CRYM: variants seen among roughly 807,000 people sequenced by gnomAD.
CRYM encodes crystallin mu, also known as ketimine reductase mu-crystallin.
A neutral mutation model predicts 32.9 loss-of-function variants in CRYM; 18 were observed. The ratio of observed to expected loss-of-function variants is 0.55; its 90% CI spans 0.38 to 0.81. The LOEUF is 0.81. Among genes scored for constraint, CRYM ranks in the 30% least tolerant of loss-of-function variants. The probability of loss-of-function intolerance (pLI) is 0.00; values close to 1 mark genes in which losing one functional copy is unlikely to be tolerated. For synonymous variants in CRYM, 153 were observed against 152.4 expected, an observed-to-expected ratio of 1.00 and a Z score of -0.03; for missense variants, 337 against 393.5, an observed-to-expected ratio of 0.86 and a Z score of 1.21.
intron 1 of CRYM, among the ~76,000 whole-genome samples, chr16:21,298,466 G>C (rs1389463619): frequency 6.6e-6 from 1 of 152,180 alleles, no homozygotes; most frequent in Non-Finnish European, 1.5e-5. Context: ...GGAAAATGAT[G>C]AATTATAATT....
At chr16:21,261,654 C>T (rs1316849204) in intron 6 of CRYM, 1 of 485,208 alleles carries the variant, frequency 2.1e-6, no homozygotes, top group Non-Finnish European at 3.7e-6. Context: ...ATGCCAGCAG[C>T]TCCCTTCTTG....
intron 4 of CRYM, 22 bp downstream of exon 4, chr16:21,269,768 C>A: frequency 4.4e-6 from 4 of 915,896 alleles, no homozygotes; most frequent in East Asian, 2.8e-5. Context: ...CTCTTCTCTC[C>A]CACCCCCACC....
chr16:21,288,507 G>T (rs2093411019), intron 1 of CRYM, among the ~76,000 whole-genome samples: 1 of 88,822 alleles, frequency 1.1e-5, no homozygotes, highest in South Asian at 3.0e-4. Flanking sequence ...ATAATTTGAG[G>T]CTTCTTTCTT....
chr16:21,292,056 C>T (rs1960670454), intron 1 of CRYM, among the ~76,000 whole-genome samples: 1 of 152,016 alleles, frequency 6.6e-6, no homozygotes, highest in Admixed American at 6.6e-5. Context: ...AGCATATGAA[C>T]ATAGAAACAC....
chr16:21,301,724 C>G (rs533818227), intron 1 of CRYM, among the ~76,000 whole-genome samples: 1 of 152,368 alleles, frequency 6.6e-6, no homozygotes, highest in South Asian at 2.1e-4. Flanking sequence ...TGCGCGCCCC[C>G]AGCCCTAGTG....
At chr16:21,267,807 A>G in intron 4 of CRYM, 70 bp from the exon 5 acceptor site, 1 of 1,508,942 alleles carries the variant, frequency 6.6e-7, no homozygotes, top group South Asian at 1.1e-5. Flanking sequence ...GAGCCCAGGG[A>G]TGCGGAGGGA....
chr16:21,277,495 G>A lies in CRYM; in HGVS notation c.260C>T (p.Ser87Leu). The change falls in exon 2 of 8, where the codon TCG becomes TTG. Residue 87 changes from serine to leucine, a missense_variant. Transcript: ENST00000572914. This position sits in a 1 kb window ranked among gnomAD's most constrained non-coding sequence, Gnocchi z 4.2. ...VTFYEDRGITSVVPSHQATVL... is the reference protein window; with the variant it reads ...VTFYEDRGITLVVPSHQATVL... ...AGTAGCCTGGTGGGAAGGGACGACC[G>A]AGGTGATGCCGCGGTCCTCGTAGAA... 6.2e-7 allele frequency: 1 copy of A among 1,613,904 alleles called. No individual in the cohort carries two copies.
intron 5 of CRYM, among the ~76,000 whole-genome samples, chr16:21,266,824 G>C (rs553817110): frequency 2.0e-5 from 3 of 152,054 alleles, no homozygotes; most frequent in Non-Finnish European, 4.4e-5. Context: ...GGCCAACATG[G>C]TGAAACCTTG....
upstream of CRYM, among the ~76,000 whole-genome samples, chr16:21,279,440 A>G (rs951851454): frequency 6.6e-6 from 1 of 152,230 alleles, no homozygotes; most frequent in Non-Finnish European, 1.5e-5. Context: ...GGCCAAGTAA[A>G]GCCCTGAGGT....
chr16:21,263,355 T>C (rs2093358058), intron 5 of CRYM, among the ~76,000 whole-genome samples: 1 of 152,034 alleles, frequency 6.6e-6, no homozygotes, highest in Non-Finnish European at 1.5e-5. Flanking sequence ...GAGCCAAGAC[T>C]GCGCCACTGT....
At position 21,261,270 on chromosome 16, in the gene CRYM, G is replaced by C. The variant is rs14122; in HGVS notation, c.864C>G (p.Thr288=). The change falls in exon 7 of 8, where the codon ACC becomes ACG. Residue 288 remains threonine (T), a synonymous_variant. Coordinates refer to ENST00000572914, the MANE Select transcript of CRYM (RefSeq NM_001376256.1). The stretch of plus-strand genomic sequence containing the variant: ...GGATCTTACCCAAAGACTTGAACAC[G>C]GTGGTCTTCTCACAGTGGGCTGGTT... ...GVKPAHCEKT[T]VFKSLGMAVE... is the part of the protein sequence containing the mutation. 0.44 allele frequency: 703,703 copies of C among 1,611,502 alleles called. 159,599 individuals carry two copies. The highest frequency in any genetic ancestry group is 0.78 in the African/African-American group (58,150 of 74,824).
At chr16:21,283,808 AC>A (rs2093402645) in intron 1 of CRYM, 1 of 151,048 alleles carries the variant, frequency 6.6e-6, no homozygotes, top group Non-Finnish European at 1.5e-5. Context: ...CCGGTTCCCC[AC>A]CTCCTGGTGT....
intron 1 of CRYM, among the ~76,000 whole-genome samples, chr16:21,291,860 T>TGGGG (rs1960664796): frequency 2.6e-5 from 4 of 152,166 alleles, no homozygotes; most frequent in Admixed American, 1.3e-4. Flanking sequence ...TGTCCCAGAC[T>TGGGG]ATGGCCTTTT....
At chr16:21,294,756 G>A (rs1286571607) in intron 1 of CRYM, among the ~76,000 whole-genome samples, 11 of 148,250 alleles carry the variant, frequency 7.4e-5, no homozygotes, top group African/African-American at 1.5e-4. Context: ...GTACAGTGGC[G>A]CGATCTCGAC....
At chr16:21,281,540 C>A (rs747532322), upstream of CRYM, among the ~76,000 whole-genome samples, 25 of 152,224 alleles carry the variant, frequency 1.6e-4, no homozygotes, top group Middle Eastern at 6.8e-3. Context: ...TGAAGATATG[C>A]AATATTAAAA....
chr16:21,278,526 C>G (rs965794314), upstream of CRYM: 10 of 557,180 alleles, frequency 1.8e-5, no homozygotes, highest in Non-Finnish European at 6.5e-6. Flanking sequence ...GTTTGGTCCA[C>G]TTTCTCAGTT....
chr16:21,286,178 G>A (rs2093406809), intron 1 of CRYM, among the ~76,000 whole-genome samples: 1 of 151,842 alleles, frequency 6.6e-6, no homozygotes, highest in South Asian at 2.1e-4. Flanking sequence ...AACAATAATT[G>A]AGAATGACAA....
chr16:21,284,365 G>GCA (rs2093403970), intron 1 of CRYM, among the ~76,000 whole-genome samples: 2 of 151,944 alleles, frequency 1.3e-5, no homozygotes, highest in Admixed American at 6.6e-5. Context: ...CCTTCAAAGT[G>GCA]CACAGTTCCC....
intron 1 of CRYM, among the ~76,000 whole-genome samples, chr16:21,283,301 T>G (rs2093401379): frequency 6.6e-6 from 1 of 152,168 alleles, no homozygotes; most frequent in South Asian, 2.1e-4. Flanking sequence ...AACATCTAAA[T>G]GCAATATTTA....
Sources: gnomAD v4.1 joint callset for allele counts (sites outside exome capture counted in the v4.1 genomes callset) on GRCh38, gnomAD v4.1.1 for gene constraint, Gnocchi (gnomAD v3.1) non-coding constraint, MANE v1.5 for transcripts, NCBI Gene and HGNC (gene_info 2026-07-23, HGNC 2026-07-21) for gene names.